DLGAP3: variants seen among roughly 807,000 people sequenced by gnomAD.
DLGAP3 encodes disks large-associated protein 3.
Under a neutral mutation model 81.2 loss-of-function variants are expected in DLGAP3, and 17 were observed. The observed-to-expected ratio is 0.21, with a 90% CI of 0.14 to 0.31. The LOEUF (loss-of-function observed/expected upper bound fraction) is 0.31. Ranked by LOEUF, DLGAP3 falls within the 10% of genes least tolerant of loss-of-function variation. The pLI is 1.00. For missense variants in DLGAP3, 1,124 were observed against 1,388.0 expected (o/e 0.81, Z 3.02); for synonymous variants, 577 against 587.4 (o/e 0.98, Z 0.26).
intron 1 of DLGAP3, among the ~76,000 whole-genome samples, chr1:34,911,024 C>CCG (rs35760697): frequency 9.1e-5 from 6 of 65,884 alleles, no homozygotes; most frequent in African/African-American, 2.2e-4. Context: ...TATTATCCAC[C>CCG]CCCCCCCCAC....
chr1:34,886,325 G>A, intron 5 of DLGAP3, 40 bp from the exon 6 acceptor site: 8 of 1,517,588 alleles, frequency 5.3e-6, no homozygotes, highest in Non-Finnish European at 7.1e-6. Flanking sequence ...ATAAGGTGCC[G>A]GGAGGGGGTG....
chr1:34,926,332 G>C (rs1003248596), intron 1 of DLGAP3, among the ~76,000 whole-genome samples: 1 of 152,192 alleles, frequency 6.6e-6, no homozygotes, highest in Non-Finnish European at 1.5e-5. Flanking sequence ...CAAGTTATTA[G>C]CAATGATGAG....
intron 5 of DLGAP3, among the ~76,000 whole-genome samples, chr1:34,890,266 A>G (rs1386903535): frequency 6.6e-6 from 1 of 152,250 alleles, no homozygotes; most frequent in Admixed American, 6.5e-5. Flanking sequence ...CAACAGAAGC[A>G]ACTGCAAAAT....
At chr1:34,896,288 A>G (rs1244186562) in intron 5 of DLGAP3, among the ~76,000 whole-genome samples, 1 of 152,214 alleles carries the variant, frequency 6.6e-6, no homozygotes, top group Non-Finnish European at 1.5e-5. Context: ...GGAAGAGGTC[A>G]TCAAAATCAG....
chr1:34,872,800 T>C (rs12132723), intron 8 of DLGAP3, among the ~76,000 whole-genome samples: 49,295 of 152,092 alleles, frequency 0.32, 8,791 homozygotes, highest in Non-Finnish European at 0.42. Flanking sequence ...GGAATGCAGA[T>C]AGCCTCTATA....
chr1:34,879,045 C>T (rs1433255889), intron 8 of DLGAP3, among the ~76,000 whole-genome samples: 5 of 146,356 alleles, frequency 3.4e-5, no homozygotes, highest in African/African-American at 5.1e-5. Context: ...GCACTCCACC[C>T]GGGGCGAGAG....
At position 34,868,497 on chromosome 1, in the gene DLGAP3, G is replaced by A. The variant is rs1569590508; in HGVS notation, c.2485+108C>T. On this transcript the variant is annotated intron_variant, in intron 9 of 11. Coordinates refer to ENST00000373347, the MANE Select transcript of DLGAP3 (RefSeq NM_001080418.3). The surrounding 1 kb of genome is among the most constrained non-coding windows in gnomAD (Gnocchi z 7.5). ...GCAGAAGACCAGTGAGGCACCAACC[G>A]AAGGGGCCTCCTGTTACACTGCAGC... The A allele has an allele frequency of 8.6e-6, 8 of 927,310 alleles. No individual in the cohort carries two copies. Among genetic ancestry groups the A allele is most frequent in the South Asian group, 2.7e-5 (2 of 74,666 alleles). 57.4% of individuals were successfully genotyped at this position (927,310 alleles called of 1,614,324 possible).
chr1:34,869,045 T>G lies in DLGAP3; in HGVS notation c.2045A>C (p.Gln682Pro). 1.3e-6 allele frequency: 2 copies of G among 1,599,456 alleles called. No homozygotes were observed. The highest frequency in any genetic ancestry group is 1.7e-6 in the Non-Finnish European group (2 of 1,178,912). The change falls in exon 9 of 12, where the codon CAG becomes CCG. Residue 682 changes from glutamine (Q) to proline (P), a missense_variant. Physicochemically the swap from Gln to Pro is moderately conservative, Grantham distance 76. Coordinates refer to ENST00000373347, the MANE Select transcript of DLGAP3 (RefSeq NM_001080418.3). ...CAGGCCCTCCAGCTCCAGGTCTGCC[T>G]GCACGCCAGCCGTCACACTATTGGA... is the stretch of plus-strand genomic sequence containing the variant. ...KRSNSVTAGV[Q>P]ADLELEGLAG...
rs146574732 is a variant in DLGAP3, at chr1:34,902,551, A to T, written c.1107+1726T>A. Among the ~76,000 whole-genome samples the T allele has an allele frequency of 2.2e-3, 330 of 152,114 alleles. No homozygotes were observed. The highest frequency in any genetic ancestry group is 3.8e-3 in the Non-Finnish European group (255 of 67,970). On this transcript the variant is annotated intron_variant, in intron 3 of 11. Coordinates refer to ENST00000373347, the MANE Select transcript of DLGAP3 (RefSeq NM_001080418.3). The surrounding 1 kb of genome is among the most constrained non-coding windows in gnomAD (Gnocchi z 4.4). ...GCCTCCCCTGCTTTTGTACCAGGGG[A>T]GTGCGAGGCTGTCTGGAGGGTCCCT... is the stretch of plus-strand genomic sequence containing the variant.
chr1:34,880,060 TTCTTTCTTTGACACAAGGTC>T (rs1639122961), intron 8 of DLGAP3, among the ~76,000 whole-genome samples: 1 of 152,192 alleles, frequency 6.6e-6, no homozygotes, highest in African/African-American at 2.4e-5. Context: ...TCCCCCCCTT[TTCTTTCTTTGACACAAGGTC>T]TCAGAGTCTC....
intron 1 of DLGAP3, among the ~76,000 whole-genome samples, chr1:34,914,693 T>C (rs1372972634): frequency 2.0e-5 from 3 of 152,240 alleles, no homozygotes; most frequent in Non-Finnish European, 4.4e-5. Context: ...AGGTAAAGTA[T>C]CTAGCACAGT....
Position 34,869,085 on chromosome 1 carries a change from C to T in DLGAP3, c.2005G>A (p.Ala669Thr). 1.3e-6 allele frequency: 2 copies of T among 1,589,692 alleles called. No homozygotes were observed. The highest frequency in any genetic ancestry group is 1.7e-6 in the Non-Finnish European group (2 of 1,173,420). ...GVQVEEDKRR[A>T]RFKRSNSVTA... Reference sequence around the variant, plus strand: ...ACACTATTGGAGCGCTTGAACCTTGCTCGCCTGGGGAGAGGGGTGGCTGTC... The same window carrying T: ...ACACTATTGGAGCGCTTGAACCTTGTTCGCCTGGGGAGAGGGGTGGCTGTC... Residue 669 changes from alanine to threonine, a missense_variant, in exon 9 of 12, where the codon GCA (alanine) becomes ACA (threonine). Ala to Thr is a moderately conservative substitution (Grantham distance 58). This residue lies in a region of DLGAP3 where 379 missense variants were observed against 455.7 expected (regional missense o/e 0.83). Coordinates refer to ENST00000373347, the MANE Select transcript of DLGAP3 (RefSeq NM_001080418.3).
Position 34,885,601 on chromosome 1 carries a change from C to T in DLGAP3, c.1791G>A (p.Leu597=). ...GGCTGGCCCGGGGCGGCACCGGCGC[C>T]AACTCCAGTGTGCGCGCACCCATGG... ...GPAMGARTLE[L]APVPPRASPK... is the part of the protein sequence containing the mutation. Residue 597 remains leucine (L), a synonymous_variant, in exon 7 of 12, where the codon TTG becomes TTA. Coordinates refer to ENST00000373347, the MANE Select transcript of DLGAP3 (RefSeq NM_001080418.3). 6.3e-7 allele frequency: 1 copy of T among 1,587,130 alleles called. No homozygotes were observed. The highest frequency in any genetic ancestry group is 8.5e-7 in the Non-Finnish European group (1 of 1,172,130).
Position 34,866,168 on chromosome 1 carries a change from C to A in DLGAP3, c.2855G>T (p.Arg952Leu). 6.3e-7 allele frequency: 1 copy of A among 1,595,876 alleles called. No individual in the cohort carries two copies. The highest frequency in any genetic ancestry group is 8.5e-7 in the Non-Finnish European group (1 of 1,177,830). Reference protein sequence around the residue: ...EARKRLLAAKRAASFRHSSAT... With the variant: ...EARKRLLAAKLAASFRHSSAT... Reference sequence around the variant, plus strand: ...CGAGCTGTGGCGGAAGGAAGCGGCGCGCTTGGCCGCCAGGAGCCGCTTGCG... The same window carrying A: ...CGAGCTGTGGCGGAAGGAAGCGGCGAGCTTGGCCGCCAGGAGCCGCTTGCG... The change falls in exon 12 of 12, where the codon CGC (arginine) becomes CTC (leucine). Residue 952 changes from arginine (R) to leucine (L), a missense_variant. Arg to Leu is a moderately radical substitution (Grantham distance 102). Around this residue, in one of 9 missense-constraint regions of DLGAP3, gnomAD observed 133 missense variants for 171.1 expected, o/e 0.78. Transcript: ENST00000373347.
intron 5 of DLGAP3, 45 bp from the exon 6 acceptor site, chr1:34,886,330 G>C (rs763698923): frequency 2.6e-6 from 4 of 1,511,712 alleles, no homozygotes; most frequent in Middle Eastern, 3.5e-4. Context: ...GTGCCGGGAG[G>C]GGGTGGAAGT....
intron 7 of DLGAP3, 72 bp downstream of exon 7, chr1:34,885,406 C>T (rs1440629547): frequency 1.4e-5 from 21 of 1,505,834 alleles, no homozygotes; most frequent in Non-Finnish European, 1.7e-5. Flanking sequence ...TCCAGAAGGC[C>T]GCTTCCAGCC....
At chr1:34,888,502 C>G (rs1239275722) in intron 5 of DLGAP3, among the ~76,000 whole-genome samples, 4 of 152,216 alleles carry the variant, frequency 2.6e-5, no homozygotes, top group African/African-American at 9.6e-5. Context: ...CAAAACACCT[C>G]TCTTGCTTTG....
At position 34,867,526 on chromosome 1, in the gene DLGAP3, G is replaced by C; in HGVS notation, c.2577+10C>G. 1 of 1,609,304 alleles carries C rather than the reference G, an allele frequency of 6.2e-7. No individual in the cohort carries two copies. On this transcript the variant is annotated intron_variant, in intron 10 of 11. Coordinates refer to ENST00000373347, the MANE Select transcript of DLGAP3 (RefSeq NM_001080418.3). The surrounding 1 kb of genome is among the most constrained non-coding windows in gnomAD (Gnocchi z 4.3). ...TGTATCTGGTAGGATCTACTACTAT[G>C]GGCACTCACCATGCTTTGCTGACAC...
chr1:34,923,862 G>T (rs1446704107), intron 1 of DLGAP3, among the ~76,000 whole-genome samples: 1 of 152,164 alleles, frequency 6.6e-6, no homozygotes. Flanking sequence ...TTCAGTTTGA[G>T]ATCCCTAGAT....
Sources: gnomAD v4.1 joint callset for allele counts (sites outside exome capture counted in the v4.1 genomes callset) on GRCh38, gnomAD v4.1.1 for gene constraint, gnomAD v4.1.1 regional missense constraint, Gnocchi (gnomAD v3.1) non-coding constraint, MANE v1.5 for transcripts, NCBI Gene and HGNC (gene_info 2026-07-23, HGNC 2026-07-21) for gene names.